The following AGMO variants were observed in gnomAD, a reference collection of about 807,000 sequenced individuals.
The protein encoded by AGMO is glyceryl-ether monooxygenase.
Under a neutral mutation model 60.2 loss-of-function variants are expected in AGMO, and 75 were observed. The ratio of observed to expected loss-of-function variants is 1.25; its 90% CI spans 1.03 to 1.51. The LOEUF is 1.51. AGMO is among the 40% of genes most tolerant of loss of function. The pLI, the probability that AGMO is intolerant of heterozygous loss-of-function variation, is 0.00. For synonymous variants in AGMO, 261 were observed against 177.1 expected, an observed-to-expected ratio of 1.47 and a Z score of -3.76; for missense variants, 763 against 525.5, an observed-to-expected ratio of 1.45 and a Z score of -4.42.
chr7:15,332,707 T>TG (rs1332798112), intron 12 of AGMO, among the ~76,000 whole-genome samples: 2 of 152,166 alleles, frequency 1.3e-5, no homozygotes, highest in African/African-American at 4.8e-5. Context: ...TGAATGTACC[T>TG]GGTACTTATC....
At chr7:15,534,110 A>G (rs904763322) in intron 3 of AGMO, among the ~76,000 whole-genome samples, 1 of 152,028 alleles carries the variant, frequency 6.6e-6, no homozygotes, top group African/African-American at 2.4e-5. Flanking sequence ...CAAATTACCC[A>G]TTAGCGTAAG....
At chr7:15,464,563 A>G (rs1782229608) in intron 3 of AGMO, among the ~76,000 whole-genome samples, 1 of 152,190 alleles carries the variant, frequency 6.6e-6, no homozygotes, top group Non-Finnish European at 1.5e-5. Flanking sequence ...CACTGGCCAC[A>G]TTAGTTTCAA....
chr7:15,549,265 G>T (rs1784876785), intron 2 of AGMO, among the ~76,000 whole-genome samples: 1 of 144,700 alleles, frequency 6.9e-6, no homozygotes. Context: ...CAACTAACGA[G>T]CAAAATCACC....
intron 12 of AGMO, among the ~76,000 whole-genome samples, chr7:15,329,531 T>C (rs1781440248): frequency 6.6e-6 from 1 of 152,172 alleles, no homozygotes; most frequent in Non-Finnish European, 1.5e-5. Flanking sequence ...AAAATTAAAA[T>C]GACAGAACAA....
At chr7:15,321,574 C>G (rs7783418) in intron 12 of AGMO, among the ~76,000 whole-genome samples, 101,258 of 151,964 alleles carry the variant, frequency 0.67, 34,377 homozygotes, top group African/African-American at 0.79. Flanking sequence ...CATCTCTACA[C>G]TTAGCATTTG....
intron 3 of AGMO, among the ~76,000 whole-genome samples, chr7:15,434,497 G>T (rs1781343357): frequency 6.6e-6 from 1 of 152,074 alleles, no homozygotes; most frequent in Admixed American, 6.6e-5. Flanking sequence ...AGAAAAGCTG[G>T]CTACCTTGTT....
chr7:15,263,498 GAA>G (rs1050538690), intron 12 of AGMO, among the ~76,000 whole-genome samples: 13 of 152,150 alleles, frequency 8.5e-5, no homozygotes, highest in Admixed American at 1.3e-4. Context: ...AACCACTCTG[GAA>G]AACAGTGTGG....
chr7:15,539,916 C>T (rs1278263280), intron 3 of AGMO, among the ~76,000 whole-genome samples: 2 of 152,018 alleles, frequency 1.3e-5, no homozygotes, highest in East Asian at 1.9e-4. Flanking sequence ...CATATGAAAA[C>T]CCTAATTTGT....
chr7:15,535,332 G>A (rs1281664341), intron 3 of AGMO, among the ~76,000 whole-genome samples: 2 of 151,782 alleles, frequency 1.3e-5, no homozygotes, highest in South Asian at 4.2e-4. Flanking sequence ...GAATGGGGGG[G>A]CATACTCTTT....
chr7:15,543,048 C>G lies in AGMO; in HGVS notation c.409+1724G>C, dbSNP rs905543665. The stretch of plus-strand genomic sequence containing the variant: ...CTTGGGAAGGATATTTGGTCACACT[C>G]ACTCCTACACAGAGAGCTCAGTTAT... On this transcript the variant is annotated intron_variant, in intron 3 of 12. Transcript: ENST00000342526. Among the ~76,000 whole-genome samples, 3 of 152,128 alleles carry G rather than the reference C, an allele frequency of 2.0e-5. No homozygotes were observed. The South Asian group carries it at 6.2e-4, about 32-fold the overall frequency.
At chr7:15,444,150 TA>T (rs1781638508) in intron 3 of AGMO, among the ~76,000 whole-genome samples, 1 of 151,840 alleles carries the variant, frequency 6.6e-6, no homozygotes, top group Non-Finnish European at 1.5e-5. Context: ...GTATCGAATA[TA>T]TTTTTTTAAT....
At chr7:15,288,930 C>A (rs1436102822) in intron 12 of AGMO, among the ~76,000 whole-genome samples, 1 of 151,710 alleles carries the variant, frequency 6.6e-6, no homozygotes. Context: ...CCAGTTTCAT[C>A]CAACTCCTAA....
chr7:15,463,417 C>T (rs1442653534), intron 3 of AGMO, among the ~76,000 whole-genome samples: 1 of 152,118 alleles, frequency 6.6e-6, no homozygotes, highest in Non-Finnish European at 1.5e-5. Context: ...GAGATTTTTC[C>T]AGAACCTCTC....
In AGMO at chr7:15,319,256, G is replaced by C. The variant is rs182909802; in HGVS notation, c.1263+46258C>G. On this transcript the variant is annotated intron_variant, in intron 12 of 12. Transcript: ENST00000342526. Reference sequence around the variant, plus strand: ...TGGTTGAGGGAAATTAGTGATGTTAGTGTGGAATTACCAGAGTAGGAAATG... The same window carrying C: ...TGGTTGAGGGAAATTAGTGATGTTACTGTGGAATTACCAGAGTAGGAAATG... 2.8e-4 allele frequency among the ~76,000 whole-genome samples: 43 copies of C among 152,296 alleles called. No individual in the cohort carries two copies. The East Asian group carries it at 5.0e-3, about 18-fold the overall frequency.
the AGMO span, among the ~76,000 whole-genome samples, chr7:15,131,643 G>T: frequency 1.1e-4 from 17 of 152,144 alleles, no homozygotes; most frequent in Admixed American, 4.6e-4. Context: ...AAACAGGGCA[G>T]TTGGAGGCTA....
downstream of AGMO, among the ~76,000 whole-genome samples, chr7:15,197,793 A>G (rs568586002): frequency 6.6e-6 from 1 of 152,352 alleles, no homozygotes; most frequent in South Asian, 2.1e-4. Flanking sequence ...TGAATTGAAA[A>G]TACTCTGAAC....
intron 12 of AGMO, among the ~76,000 whole-genome samples, chr7:15,360,872 C>T (rs1274203245): frequency 6.6e-6 from 1 of 152,100 alleles, no homozygotes; most frequent in Non-Finnish European, 1.5e-5. Flanking sequence ...ATGCCCACAC[C>T]TGAGAACACA....
intron 12 of AGMO, among the ~76,000 whole-genome samples, chr7:15,254,065 G>C (rs111336250): frequency 0.015 from 2,260 of 151,874 alleles, 65 homozygotes; most frequent in African/African-American, 0.051. Flanking sequence ...TTTTATAACT[G>C]TATAGTATTC....
At chr7:15,204,686 C>T (rs1781395257) in intron 12 of AGMO, among the ~76,000 whole-genome samples, 2 of 152,166 alleles carry the variant, frequency 1.3e-5, no homozygotes, top group African/African-American at 4.8e-5. Context: ...TCCCAGGAAC[C>T]TCAACTCTGA....
Sources: gnomAD v4.1 joint callset for allele counts (sites outside exome capture counted in the v4.1 genomes callset) on GRCh38, gnomAD v4.1.1 for gene constraint, MANE v1.5 for transcripts, NCBI Gene and HGNC (gene_info 2026-07-23, HGNC 2026-07-21) for gene names.